The following PARVA variants were observed in gnomAD, a reference collection of about 807,000 sequenced individuals.
PARVA encodes the protein alpha-parvin.
PARVA carries 25 observed loss-of-function variants against 52.6 expected under a neutral mutation model. That is an observed-to-expected ratio of 0.48 (90% CI 0.35 to 0.66). The LOEUF (loss-of-function observed/expected upper bound fraction) is 0.66. Ranked by LOEUF, PARVA falls within the 30% of genes least tolerant of loss-of-function variation. The pLI is 0.01. For missense variants in PARVA, 373 were observed against 450.9 expected (o/e 0.83, Z 1.56); for synonymous variants, 185 against 179.1 (o/e 1.03, Z -0.26).
At chr11:12,396,176 T>C (rs1254007076) in intron 1 of PARVA, among the ~76,000 whole-genome samples, 3 of 152,220 alleles carry the variant, frequency 2.0e-5, no homozygotes, top group Non-Finnish European at 4.4e-5. Context: ...AGCTATTAAT[T>C]GGTAGAACAG....
chr11:12,495,693 T>C (rs1941290443), intron 4 of PARVA, among the ~76,000 whole-genome samples: 1 of 152,172 alleles, frequency 6.6e-6, no homozygotes, highest in Non-Finnish European at 1.5e-5. Flanking sequence ...CACCATTATA[T>C]AAAAACCACT....
chr11:12,377,416 G>A (rs181030528), upstream of PARVA: 28 of 1,368,992 alleles, frequency 2.0e-5, no homozygotes, highest in East Asian at 6.2e-5. Flanking sequence ...GGCAACCCAG[G>A]GGCGCAAGGC....
chr11:12,487,144 G>C (rs546904419), intron 4 of PARVA, among the ~76,000 whole-genome samples: 2 of 152,320 alleles, frequency 1.3e-5, no homozygotes, highest in Admixed American at 1.3e-4. Context: ...AGAGTAGCTA[G>C]AGTAAACCAG....
chr11:12,496,884 ACTT>A (rs556985262), intron 5 of PARVA, among the ~76,000 whole-genome samples: 67 of 152,206 alleles, frequency 4.4e-4, no homozygotes, highest in Non-Finnish European at 7.2e-4. Flanking sequence ...TCACTGAGCT[ACTT>A]CTTCTAAGTC....
At chr11:12,499,210 C>T (rs1322037136) in intron 5 of PARVA, among the ~76,000 whole-genome samples, 1 of 152,084 alleles carries the variant, frequency 6.6e-6, no homozygotes, top group Non-Finnish European at 1.5e-5. Flanking sequence ...CCTGTGATGC[C>T]TTGGGGCTTT....
chr11:12,462,338 G>A (rs949073702), intron 1 of PARVA, among the ~76,000 whole-genome samples: 1 of 152,148 alleles, frequency 6.6e-6, no homozygotes, highest in African/African-American at 2.4e-5. Context: ...TAAAATCACA[G>A]GAAACTTAAA....
rs78555056 is a variant in PARVA, at chr11:12,471,943, C to T, written c.137-1802C>T. Among the ~76,000 whole-genome samples, 306 of 152,272 alleles carry T rather than the reference C, an allele frequency of 2.0e-3. 2 individuals carry two copies. Among genetic ancestry groups the T allele is most frequent in the African/African-American group, 6.2e-3 (256 of 41,546 alleles). ...CTTTATTTCCACTGCTCACTCCTTG[C>T]GTAGCAATGCTTGTTAACAAAGTAA... On this transcript the variant is annotated intron_variant, in intron 1 of 12. Coordinates refer to ENST00000334956, the MANE Select transcript of PARVA (RefSeq NM_018222.5).
intron 4 of PARVA, among the ~76,000 whole-genome samples, chr11:12,487,461 G>C (rs1161397336): frequency 6.6e-6 from 1 of 152,178 alleles, no homozygotes; most frequent in Non-Finnish European, 1.5e-5. Context: ...GCCATATGCA[G>C]CTGTTAAAAG....
intron 1 of PARVA, among the ~76,000 whole-genome samples, chr11:12,451,822 T>G (rs962611143): frequency 1.3e-5 from 2 of 152,202 alleles, no homozygotes; most frequent in African/African-American, 4.8e-5. Flanking sequence ...TAGCTAAATT[T>G]GCATACTCTG....
At chr11:12,447,486 G>T (rs1441461940) in intron 1 of PARVA, among the ~76,000 whole-genome samples, 1 of 152,210 alleles carries the variant, frequency 6.6e-6, no homozygotes, top group Non-Finnish European at 1.5e-5. Context: ...GTCCCAGTCA[G>T]TATGGGTGCA....
At chr11:12,517,476 C>T (rs1941583506) in intron 10 of PARVA, 134 bp from the exon 11 acceptor site, 1 of 680,432 alleles carries the variant, frequency 1.5e-6, no homozygotes, top group Non-Finnish European at 2.6e-6. Flanking sequence ...CGGGCCACTG[C>T]CCCTACCCCC....
chr11:12,396,947 A>T (rs984269970), intron 1 of PARVA, among the ~76,000 whole-genome samples: 14 of 105,704 alleles, frequency 1.3e-4, no homozygotes, highest in African/African-American at 3.9e-4. Context: ...CTTTCCTTTC[A>T]TGTACTTGTT....
chr11:12,426,389 T>G (rs11022355), intron 1 of PARVA, among the ~76,000 whole-genome samples: 2 of 150,946 alleles, frequency 1.3e-5, no homozygotes, highest in South Asian at 2.1e-4. Flanking sequence ...TGGAGCATGG[T>G]GAGTAAGGAG....
At chr11:12,494,665 A>G (rs1392647809) in intron 4 of PARVA, among the ~76,000 whole-genome samples, 1 of 152,004 alleles carries the variant, frequency 6.6e-6, no homozygotes, top group Non-Finnish European at 1.5e-5. Context: ...TAAAAAAAAA[A>G]AGAATGAACT....
chr11:12,521,126 C>T (rs997333134), intron 12 of PARVA, among the ~76,000 whole-genome samples: 11 of 152,088 alleles, frequency 7.2e-5, no homozygotes, highest in Admixed American at 5.2e-4. Flanking sequence ...CATCTAGTAC[C>T]AGGCAGGATT....
chr11:12,428,226 C>T lies in PARVA; in HGVS notation c.137-45519C>T, dbSNP rs886189156. 9.9e-5 allele frequency among the ~76,000 whole-genome samples: 15 copies of T among 152,096 alleles called. No individual in the cohort carries two copies. In the East Asian group the frequency reaches 1.5e-3, roughly 16 times the overall value. On this transcript the variant is annotated intron_variant, in intron 1 of 12. Coordinates refer to ENST00000334956, the MANE Select transcript of PARVA (RefSeq NM_018222.5). Reference sequence around the variant, plus strand: ...AGCCATGTGCTGCATTAGGTATTGCCGGATTACCAGTCTTAGGAAAGTAAT... The same window carrying T: ...AGCCATGTGCTGCATTAGGTATTGCTGGATTACCAGTCTTAGGAAAGTAAT...
chr11:12,463,375 G>T (rs950474410), intron 1 of PARVA, among the ~76,000 whole-genome samples: 6 of 151,958 alleles, frequency 3.9e-5, no homozygotes, highest in Non-Finnish European at 7.4e-5. Context: ...CTCAGACTTG[G>T]TTTTTTTATG....
intron 1 of PARVA, among the ~76,000 whole-genome samples, chr11:12,436,218 C>T (rs928474000): frequency 1.3e-5 from 2 of 152,154 alleles, no homozygotes; most frequent in Admixed American, 6.5e-5. Context: ...AGACTTAATT[C>T]GGTAGGATGA....
intron 12 of PARVA, among the ~76,000 whole-genome samples, chr11:12,520,602 G>A (rs1356983007): frequency 6.6e-6 from 1 of 152,174 alleles, no homozygotes; most frequent in Non-Finnish European, 1.5e-5. Flanking sequence ...TGACCGTTTA[G>A]TGCCTGAGTT....
Sources: gnomAD v4.1 joint callset for allele counts (sites outside exome capture counted in the v4.1 genomes callset) on GRCh38, gnomAD v4.1.1 for gene constraint, MANE v1.5 for transcripts, NCBI Gene and HGNC (gene_info 2026-07-23, HGNC 2026-07-21) for gene names.